FOXP2: variants seen among roughly 807,000 people sequenced by gnomAD.
FOXP2 encodes forkhead box protein P2.
A neutral mutation model predicts 115.8 loss-of-function variants in FOXP2; 12 were observed. The ratio of observed to expected loss-of-function variants is 0.10; its 90% CI spans 0.07 to 0.17. FOXP2 has a LOEUF of 0.17. Among genes scored for constraint, FOXP2 ranks in the 10% least tolerant of loss-of-function variants. FOXP2 has a pLI of 1.00. For missense variants in FOXP2, 629 were observed against 843.5 expected, an observed-to-expected ratio of 0.75 and a Z score of 3.15; for synonymous variants, 328 against 297.7, an observed-to-expected ratio of 1.10 and a Z score of -1.05.
intron 3 of FOXP2, among the ~76,000 whole-genome samples, chr7:114,589,382 A>G (rs1398013622): frequency 6.6e-6 from 1 of 151,944 alleles, no homozygotes; most frequent in African/African-American, 2.4e-5. Flanking sequence ...TAAAAAGGGG[A>G]TGTGTTGGTA....
intron 1 of FOXP2, among the ~76,000 whole-genome samples, chr7:114,271,721 T>TATTAAATATATATTAAATACATATGC (rs1265719446): frequency 4.8e-4 from 57 of 117,542 alleles, no homozygotes; most frequent in African/African-American, 1.7e-3. Flanking sequence ...AATACATATG[T>TATTAAATATATATTAAATACATATGC]ATTAAATATA....
chr7:114,090,610 T>TA (rs765578758), intron 1 of FOXP2, among the ~76,000 whole-genome samples: 1 of 151,608 alleles, frequency 6.6e-6, no homozygotes, highest in Non-Finnish European at 1.5e-5. Context: ...CTTGAAACTT[T>TA]AAAAAAAACA....
At chr7:114,188,279 G>A (rs779995019) in intron 1 of FOXP2, among the ~76,000 whole-genome samples, 12 of 152,088 alleles carry the variant, frequency 7.9e-5, no homozygotes, top group Non-Finnish European at 1.6e-4. Context: ...CTATAATCTG[G>A]CTCCTGCCTA....
intron 2 of FOXP2, among the ~76,000 whole-genome samples, chr7:114,476,434 G>A (rs758857677): frequency 2.0e-5 from 3 of 151,858 alleles, no homozygotes; most frequent in South Asian, 2.1e-4. Flanking sequence ...GGTTGTAGGC[G>A]TGCAGCATTA....
chr7:114,142,203 AG>A (rs1312119715), intron 1 of FOXP2, among the ~76,000 whole-genome samples: 2 of 151,946 alleles, frequency 1.3e-5, no homozygotes, highest in Non-Finnish European at 2.9e-5. Context: ...TTGTGTTTTT[AG>A]TAGAGACAGG....
chr7:114,429,380 T>A (rs774562355), intron 2 of FOXP2, among the ~76,000 whole-genome samples: 2 of 151,408 alleles, frequency 1.3e-5, no homozygotes, highest in Non-Finnish European at 3.0e-5. Context: ...TACTGAACAA[T>A]TAGTTTAAAA....
intron 2 of FOXP2, among the ~76,000 whole-genome samples, chr7:114,305,675 A>T (rs1438842774): frequency 6.6e-6 from 1 of 152,174 alleles, no homozygotes; most frequent in African/African-American, 2.4e-5. Flanking sequence ...CTTCTTTCCC[A>T]CTAGCTCCTT....
chr7:114,385,490 A>G (rs1423866393), intron 2 of FOXP2, among the ~76,000 whole-genome samples: 1 of 152,214 alleles, frequency 6.6e-6, no homozygotes, highest in Non-Finnish European at 1.5e-5. Flanking sequence ...TCGGGACAAC[A>G]GCTTTCTGCC....
chr7:114,430,557 A>G (rs1794060777), intron 2 of FOXP2, among the ~76,000 whole-genome samples: 1 of 151,812 alleles, frequency 6.6e-6, no homozygotes, highest in South Asian at 2.1e-4. Context: ...GGAAAACTTA[A>G]CACTCACATC....
intron 1 of FOXP2, among the ~76,000 whole-genome samples, chr7:114,197,651 A>G (rs145424213): frequency 7.0e-4 from 106 of 152,350 alleles, no homozygotes; most frequent in Middle Eastern, 3.4e-3. Context: ...TATATAAAAC[A>G]AGATGTGATG....
chr7:114,254,021 G>C (rs913770834), intron 1 of FOXP2, among the ~76,000 whole-genome samples: 3 of 152,184 alleles, frequency 2.0e-5, no homozygotes, highest in African/African-American at 7.2e-5. Flanking sequence ...TTGCTTGTCT[G>C]TGAAGGATTT....
chr7:114,607,776 C>G (rs1323128340), intron 3 of FOXP2, among the ~76,000 whole-genome samples: 1 of 152,010 alleles, frequency 6.6e-6, no homozygotes, highest in Non-Finnish European at 1.5e-5. Flanking sequence ...CAAAACACTT[C>G]ATGTAGAAAT....
chr7:114,187,773 TA>T (rs1793650917), intron 1 of FOXP2, among the ~76,000 whole-genome samples: 1 of 151,888 alleles, frequency 6.6e-6, no homozygotes, highest in African/African-American at 2.4e-5. Context: ...ACAGACTGAG[TA>T]ATTTATAATG....
At chr7:114,559,590 T>C (rs76238281) in intron 3 of FOXP2, among the ~76,000 whole-genome samples, 1 of 152,178 alleles carries the variant, frequency 6.6e-6, no homozygotes, top group East Asian at 1.9e-4. Flanking sequence ...AATCTTAAAC[T>C]ATCTTATTTT....
At chr7:114,129,809 A>G (rs1224912113) in intron 1 of FOXP2, among the ~76,000 whole-genome samples, 4 of 152,250 alleles carry the variant, frequency 2.6e-5, no homozygotes, top group Non-Finnish European at 4.4e-5. Context: ...CAAGGCAGAA[A>G]CTACCTGATT....
chr7:114,539,533 A>G (rs574183573), intron 3 of FOXP2, among the ~76,000 whole-genome samples: 5 of 152,030 alleles, frequency 3.3e-5, no homozygotes, highest in African/African-American at 1.2e-4. Flanking sequence ...GATGAACAGG[A>G]GGTCTAATAC....
intron 6 of FOXP2, among the ~76,000 whole-genome samples, chr7:114,634,676 T>C (rs1037171476): frequency 1.3e-5 from 2 of 151,970 alleles, no homozygotes; most frequent in Non-Finnish European, 1.5e-5. Context: ...AAAGGATGGA[T>C]TTATAGTTCC....
chr7:114,632,559 T>A (rs1804978783), intron 6 of FOXP2, among the ~76,000 whole-genome samples: 1 of 152,208 alleles, frequency 6.6e-6, no homozygotes, highest in Non-Finnish European at 1.5e-5. Context: ...AAATTAATTA[T>A]ATTTGTCACA....
chr7:114,241,928 G>C (rs950950131), intron 1 of FOXP2, among the ~76,000 whole-genome samples: 2 of 150,648 alleles, frequency 1.3e-5, no homozygotes, highest in Non-Finnish European at 3.0e-5. Context: ...AAATCTTCTA[G>C]TGGCCTCCCA....
Sources: allele counts gnomAD v4.1 joint callset (sites outside exome capture counted in the v4.1 genomes callset), GRCh38; gene constraint gnomAD v4.1.1; transcripts MANE v1.5; gene names NCBI Gene and HGNC (gene_info 2026-07-23, HGNC 2026-07-21).